Variants in EMSY observed in about 807,000 individuals in gnomAD.
EMSY encodes BRCA2-interacting transcriptional repressor EMSY.
EMSY carries 26 observed loss-of-function variants against 134.6 expected under a neutral mutation model. That is an observed-to-expected ratio of 0.19 (90% CI 0.14 to 0.27). The LOEUF is 0.27. Ranked by LOEUF, EMSY falls within the 10% of genes least tolerant of loss-of-function variation. The pLI is 1.00. For synonymous variants in EMSY, 579 were observed against 577.8 expected (o/e 1.00, Z -0.03); for missense variants, 1,305 against 1,611.4 (o/e 0.81, Z 3.26).
chr11:76,539,082 A>G (rs1431618995), intron 16 of EMSY, among the ~76,000 whole-genome samples: 1 of 152,242 alleles, frequency 6.6e-6, no homozygotes. Flanking sequence ...AGATTTTTAG[A>G]TGGCATATAT....
intron 17 of EMSY, among the ~76,000 whole-genome samples, chr11:76,539,861 T>G (rs2508754): frequency 0.98 from 149,092 of 152,302 alleles, 72,983 homozygotes; most frequent in East Asian, 1. Flanking sequence ...TAATAAAAAT[T>G]ACTGCTTTAT....
At chr11:76,483,426 G>A (rs1949059398) in intron 8 of EMSY, among the ~76,000 whole-genome samples, 1 of 152,074 alleles carries the variant, frequency 6.6e-6, no homozygotes, top group Admixed American at 6.6e-5. Context: ...ATGTAAACAG[G>A]CTAAATGCCC....
chr11:76,470,825 A>G (rs1948541239), intron 7 of EMSY, among the ~76,000 whole-genome samples: 1 of 152,008 alleles, frequency 6.6e-6, no homozygotes, highest in South Asian at 2.1e-4. Flanking sequence ...TCTTTGCCCT[A>G]TGTGCTTTTT....
intron 8 of EMSY, among the ~76,000 whole-genome samples, chr11:76,485,843 C>T (rs181192761): frequency 2.4e-3 from 362 of 152,270 alleles, no homozygotes; most frequent in African/African-American, 8.0e-3. Context: ...GATGGTGTGG[C>T]GATTCTTCAA....
intron 8 of EMSY, among the ~76,000 whole-genome samples, chr11:76,482,758 G>C (rs1382425833): frequency 6.6e-6 from 1 of 152,160 alleles, no homozygotes; most frequent in Non-Finnish European, 1.5e-5. Context: ...TATGTGAAAA[G>C]ACCAAACCTG....
At chr11:76,494,122 C>T (rs1042805830) in intron 8 of EMSY, among the ~76,000 whole-genome samples, 1 of 152,262 alleles carries the variant, frequency 6.6e-6, no homozygotes, top group African/African-American at 2.4e-5. Context: ...GTGCCTGGAG[C>T]TGCCCGCCCC....
chr11:76,506,204 T>C (rs1950070806), intron 9 of EMSY, among the ~76,000 whole-genome samples: 1 of 151,910 alleles, frequency 6.6e-6, no homozygotes, highest in African/African-American at 2.4e-5. Flanking sequence ...GAAATACACA[T>C]AATGCTCAAA....
chr11:76,492,460 G>A (rs548971449), intron 8 of EMSY, among the ~76,000 whole-genome samples: 4 of 152,218 alleles, frequency 2.6e-5, no homozygotes, highest in African/African-American at 4.8e-5. Context: ...GCCACAGAGC[G>A]AGACTCCATC....
intron 14 of EMSY, among the ~76,000 whole-genome samples, chr11:76,532,614 T>A (rs186214654): frequency 2.7e-4 from 41 of 152,252 alleles, no homozygotes; most frequent in Non-Finnish European, 2.2e-4. Context: ...AGATTTTTTT[T>A]AAACACATAT....
At chr11:76,543,254 A>G (rs954522588) in intron 18 of EMSY, among the ~76,000 whole-genome samples, 1 of 152,242 alleles carries the variant, frequency 6.6e-6, no homozygotes, top group Admixed American at 6.5e-5. Flanking sequence ...ACTACTGGAA[A>G]GAAAGGCAAC....
intron 20 of EMSY, chr11:76,547,052 C>T: frequency 2.2e-6 from 1 of 454,978 alleles, no homozygotes; most frequent in South Asian, 1.6e-5. Flanking sequence ...ATTACTGAGT[C>T]CAGGCTACCC....
At chr11:76,534,529 GT>G (rs1021066396) in intron 14 of EMSY, among the ~76,000 whole-genome samples, 1 of 151,922 alleles carries the variant, frequency 6.6e-6, no homozygotes, top group Non-Finnish European at 1.5e-5. Context: ...TATTGATTTT[GT>G]TTTTTTCAGG....
At chr11:76,534,061 C>T (rs926582100) in intron 14 of EMSY, among the ~76,000 whole-genome samples, 4 of 152,080 alleles carry the variant, frequency 2.6e-5, no homozygotes, top group Non-Finnish European at 5.9e-5. Flanking sequence ...CTAGTACCTA[C>T]GAGGTGATGT....
intron 9 of EMSY, chr11:76,496,978 A>T (rs1198767827): frequency 1.0e-5 from 2 of 193,018 alleles, no homozygotes; most frequent in Non-Finnish European, 2.1e-5. Flanking sequence ...CCTAATCTTA[A>T]GGAGAAAACA....
chr11:76,545,943 C>T, exon 20 of EMSY: 3 of 1,614,164 alleles, frequency 1.9e-6, no homozygotes, highest in South Asian at 2.2e-5. Flanking sequence ...CCATTCAGGC[C>T]TCTGAGAAGA....
intron 8 of EMSY, among the ~76,000 whole-genome samples, chr11:76,494,210 G>A (rs1160639327): frequency 6.6e-6 from 1 of 152,216 alleles, no homozygotes; most frequent in African/African-American, 2.4e-5. Context: ...GCCAAGCACC[G>A]CCTGCAGGGA....
At chr11:76,514,654 A>G (rs1950385270) in intron 10 of EMSY, among the ~76,000 whole-genome samples, 1 of 152,184 alleles carries the variant, frequency 6.6e-6, no homozygotes, top group Non-Finnish European at 1.5e-5. Flanking sequence ...CCTTAAGTAC[A>G]TTCACATTGT....
At chr11:76,454,879 A>G (rs1412840623) in intron 4 of EMSY, 89 bp downstream of exon 5, 6 of 971,934 alleles carry the variant, frequency 6.2e-6, no homozygotes, top group South Asian at 3.4e-5. Flanking sequence ...ACATTATTCC[A>G]TTTATGAATT....
At chr11:76,515,407 T>C (rs1950416835) in intron 10 of EMSY, among the ~76,000 whole-genome samples, 1 of 152,134 alleles carries the variant, frequency 6.6e-6, no homozygotes, top group African/African-American at 2.4e-5. Context: ...CTCATGTAGT[T>C]AGCTTTTAAT....
Sources: allele counts gnomAD v4.1 joint callset (sites outside exome capture counted in the v4.1 genomes callset), GRCh38; gene constraint gnomAD v4.1.1; transcripts MANE v1.5; gene names NCBI Gene and HGNC (gene_info 2026-07-23, HGNC 2026-07-21).